The following NCAPH variants were observed in gnomAD, a reference collection of about 807,000 sequenced individuals.
NCAPH encodes condensin complex subunit 2.
A neutral mutation model predicts 85.5 loss-of-function variants in NCAPH; 38 were observed. The ratio of observed to expected loss-of-function variants is 0.44; its 90% CI spans 0.34 to 0.58. The LOEUF is 0.58. NCAPH is among the 20% of genes least tolerant of loss of function. The pLI, the probability that NCAPH is intolerant of heterozygous loss-of-function variation, is 0.01. For missense variants in NCAPH, 789 were observed against 916.6 expected, an observed-to-expected ratio of 0.86 and a Z score of 1.80; for synonymous variants, 301 against 335.1, an observed-to-expected ratio of 0.90 and a Z score of 1.11.
intron 6 of NCAPH, among the ~76,000 whole-genome samples, chr2:96,346,413 GTC>G (rs2064361979): frequency 6.6e-6 from 1 of 152,158 alleles, no homozygotes; most frequent in South Asian, 2.1e-4. Flanking sequence ...ATTATTTTGT[GTC>G]TCTGTCCAGC....
At position 96,360,605 on chromosome 2, in the gene NCAPH, C is replaced by T. The variant is rs755603281; in HGVS notation, c.1482C>T (p.Thr494=). The change falls in exon 12 of 18, where the codon ACC becomes ACT. Residue 494 remains threonine (T), a synonymous_variant. Transcript: ENST00000240423. ...FRKTKAATIL[T]KSTLENQNWR... ...ATTAATAGGCTGCTACTATTCTGAC[C>T]AAGTCCACTTTGGAGAACCAGAATT... 5 of 1,614,028 alleles carry T rather than the reference C, an allele frequency of 3.1e-6. No individual in the cohort carries two copies. The highest frequency in any genetic ancestry group is 4.2e-6 in the Non-Finnish European group (5 of 1,179,970).
chr2:96,351,803 C>T (rs751416944), intron 6 of NCAPH, 28 bp from the exon 7 acceptor site: 49 of 1,550,112 alleles, frequency 3.2e-5, no homozygotes, highest in Non-Finnish European at 4.2e-5. Flanking sequence ...TGCCGTAAAT[C>T]TTCAGTTTCT....
Position 96,376,213 on chromosome 2 carries a change from T to C in NCAPH, c.*2862T>C, listed in dbSNP as rs1428613568. Among the ~76,000 whole-genome samples, 1 of 152,230 alleles carries C rather than the reference T, an allele frequency of 6.6e-6. No homozygotes were observed. Among genetic ancestry groups the C allele is most frequent in the East Asian group, 1.9e-4 (1 of 5,198 alleles). On this transcript the variant is annotated 3_prime_UTR_variant, in exon 18 of 18. Coordinates refer to ENST00000240423, the MANE Select transcript of NCAPH (RefSeq NM_015341.5). ...GTCCATAACTGAAGTTTTAACATTC[T>C]CTGCCAAACAGAACCAGAATTTAAG...
rs1355065110 is a variant in NCAPH, at chr2:96,335,838, T to C, written c.9T>C (p.Pro3=). The change falls in exon 1 of 18, where the codon CCT becomes CCC. Residue 3 remains proline, a synonymous_variant. Transcript: ENST00000240423. The part of the protein sequence containing the change: MG[P]PGPALPATMN... ...GGAGACGCCAAGGAAAGATGGGACCTCCCGGCCCAGGTGAGCCGGGCGGTC... is the reference window on the plus strand; with the variant it reads ...GGAGACGCCAAGGAAAGATGGGACCCCCCGGCCCAGGTGAGCCGGGCGGTC... The C allele has an allele frequency of 1.7e-5, 25 of 1,494,660 alleles. No individual in the cohort carries two copies. Among genetic ancestry groups the C allele is most frequent in the Non-Finnish European group, 2.1e-5 (24 of 1,125,126 alleles). 92.6% of individuals were successfully genotyped at this position (1,494,660 alleles called of 1,614,324 possible).
intron 10 of NCAPH, 82 bp from the exon 11 acceptor site, chr2:96,360,061 A>G: frequency 3.7e-6 from 3 of 809,192 alleles, no homozygotes; most frequent in Non-Finnish European, 6.3e-6. Context: ...AAGCCTTGAT[A>G]AGGCTGTCAG....
intron 9 of NCAPH, among the ~76,000 whole-genome samples, chr2:96,356,876 A>G (rs1334385724): frequency 2.0e-5 from 3 of 152,198 alleles, no homozygotes; most frequent in Non-Finnish European, 4.4e-5. Flanking sequence ...TGGTCTCTGC[A>G]TGGCAGCACA....
At position 96,343,156 on chromosome 2, in the gene NCAPH, G is replaced by A; in HGVS notation, c.457-10G>A. On this transcript the variant is annotated splice_polypyrimidine_tract_variant and intron_variant, in intron 4 of 17. Coordinates refer to ENST00000240423, the MANE Select transcript of NCAPH (RefSeq NM_015341.5). Reference sequence around the variant, plus strand: ...TATCTTTGTGAGTGCAGCTCTGATTGTTTGACTAGGTGGCTGCGGGTACTC... The same window carrying A: ...TATCTTTGTGAGTGCAGCTCTGATTATTTGACTAGGTGGCTGCGGGTACTC... 6.2e-7 allele frequency: 1 copy of A among 1,613,844 alleles called. No homozygotes were observed. Among genetic ancestry groups the A allele is most frequent in the Non-Finnish European group, 8.5e-7 (1 of 1,179,924 alleles).
At chr2:96,351,168 T>C (rs1299765988) in intron 6 of NCAPH, among the ~76,000 whole-genome samples, 1 of 152,244 alleles carries the variant, frequency 6.6e-6, no homozygotes, top group Non-Finnish European at 1.5e-5. Flanking sequence ...TGACTAGCCC[T>C]ATCATACAGG....
At chr2:96,373,157 C>G in intron 17 of NCAPH, 135 bp from the exon 18 acceptor site, 2 of 707,778 alleles carry the variant, frequency 2.8e-6, no homozygotes, top group South Asian at 2.0e-5. Flanking sequence ...ATTATACTTG[C>G]TATGAAACAG....
intron 1 of NCAPH, among the ~76,000 whole-genome samples, chr2:96,338,139 C>G (rs2064240193): frequency 6.7e-6 from 1 of 148,344 alleles, no homozygotes; most frequent in Non-Finnish European, 1.5e-5. Flanking sequence ...GTTGGCCAGG[C>G]TGGTCTCGAA....
chr2:96,341,939 T>C (rs747667566), intron 2 of NCAPH, 45 bp downstream of exon 2: 22 of 1,605,212 alleles, frequency 1.4e-5, no homozygotes, highest in Non-Finnish European at 1.9e-5. Flanking sequence ...GCCGCCTTGA[T>C]ATGGGCTGCG....
At position 96,354,315 on chromosome 2, in the gene NCAPH, C is replaced by A; in HGVS notation, c.1135C>A (p.Pro379Thr). 6.2e-7 allele frequency: 1 copy of A among 1,613,992 alleles called. No individual in the cohort carries two copies. The highest frequency in any genetic ancestry group is 1.1e-5 in the South Asian group (1 of 91,060). Residue 379 changes from proline to threonine, a missense_variant, in exon 9 of 18, where the codon CCT (proline) becomes ACT (threonine). Pro to Thr is a conservative substitution (Grantham distance 38). Transcript: ENST00000240423. Reference protein sequence around the residue: ...LGDDFDANDEPDHTAVGDHEE... With the variant: ...LGDDFDANDETDHTAVGDHEE... The stretch of plus-strand genomic sequence containing the variant: ...GGATGACTTTGATGCCAACGATGAA[C>A]CTGACCACACCGCAGTTGGGGATCA...
intron 1 of NCAPH, among the ~76,000 whole-genome samples, chr2:96,336,289 C>G (rs777409468): frequency 6.6e-6 from 1 of 152,338 alleles, no homozygotes; most frequent in East Asian, 1.9e-4. Flanking sequence ...AAGTACTGAG[C>G]TCTCCCGTTG....
At chr2:96,354,494 C>A (rs933191857) in intron 9 of NCAPH, 106 bp downstream of exon 9, 2 of 1,023,676 alleles carry the variant, frequency 2.0e-6, no homozygotes, top group Non-Finnish European at 2.6e-6. Flanking sequence ...TTTTTTTTCC[C>A]CCCCCAAAAA....
At chr2:96,362,714 G>A (rs530548682) in intron 12 of NCAPH, among the ~76,000 whole-genome samples, 27 of 152,338 alleles carry the variant, frequency 1.8e-4, no homozygotes, top group Admixed American at 3.3e-4. Flanking sequence ...ATGAGAAATG[G>A]AGCCTGATGA....
chr2:96,373,071 GAGA>G (rs1324989450), intron 17 of NCAPH, among the ~76,000 whole-genome samples: 1 of 152,136 alleles, frequency 6.6e-6, no homozygotes, highest in East Asian at 1.9e-4. Flanking sequence ...ATCAGAGCCA[GAGA>G]AGGCTTGCTT....
intron 9 of NCAPH, 146 bp downstream of exon 9, chr2:96,354,534 G>C (rs778270632): frequency 4.3e-6 from 3 of 695,958 alleles, no homozygotes; most frequent in Non-Finnish European, 6.5e-6. Flanking sequence ...GCATTGCCCA[G>C]GCTGGTCTTG....
chr2:96,354,533 A>C, intron 9 of NCAPH, 145 bp downstream of exon 9: 1 of 699,604 alleles, frequency 1.4e-6, no homozygotes, highest in East Asian at 3.2e-5. Context: ...TGCATTGCCC[A>C]GGCTGGTCTT....
chr2:96,336,199 C>T (rs1049163160), intron 1 of NCAPH, among the ~76,000 whole-genome samples: 3 of 152,178 alleles, frequency 2.0e-5, no homozygotes, highest in Non-Finnish European at 4.4e-5. Flanking sequence ...CTGGAATAGA[C>T]GTTATTTTCA....
Sources: allele counts gnomAD v4.1 joint callset (sites outside exome capture counted in the v4.1 genomes callset), GRCh38; gene constraint gnomAD v4.1.1; transcripts MANE v1.5; gene names NCBI Gene and HGNC (gene_info 2026-07-23, HGNC 2026-07-21).